Variants in CSMD1 observed in about 807,000 individuals in gnomAD.
CSMD1 encodes the protein CUB and sushi domain-containing protein 1.
CSMD1 carries 213 observed loss-of-function variants against 417.5 expected under a neutral mutation model. That is an observed-to-expected ratio of 0.51 (90% CI 0.46 to 0.57). CSMD1 has a LOEUF of 0.57. Among genes scored for constraint, CSMD1 ranks in the 20% least tolerant of loss-of-function variants. The pLI is 0.00. For missense variants in CSMD1, 6,923 were observed against 4,529.7 expected (o/e 1.53, Z -15.17); for synonymous variants, 2,862 against 1,736.8 (o/e 1.65, Z -16.11).
chr8:4,446,242 G>C (rs865887703), intron 2 of CSMD1, among the ~76,000 whole-genome samples: 5 of 152,196 alleles, frequency 3.3e-5, no homozygotes, highest in African/African-American at 1.2e-4. Flanking sequence ...CTTTGGGACA[G>C]AAGATCACTT....
In CSMD1 at chr8:3,602,493, T is replaced by G. The variant is rs942747683; in HGVS notation, c.1097+14217A>C. On this transcript the variant is annotated intron_variant, in intron 8 of 69. Transcript: ENST00000635120. ...CATTGAACGTTCACTGCTTTAATATTGATCCTAAACTCTTTTGCATATCAC... is the reference window on the plus strand; with the variant it reads ...CATTGAACGTTCACTGCTTTAATATGGATCCTAAACTCTTTTGCATATCAC... Among the ~76,000 whole-genome samples the G allele has an allele frequency of 5.9e-5, 9 of 152,304 alleles. No homozygotes were observed. The East Asian group carries it at 1.7e-3, about 29-fold the overall frequency.
intron 5 of CSMD1, among the ~76,000 whole-genome samples, chr8:3,828,936 T>C (rs1476492461): frequency 6.6e-6 from 1 of 152,132 alleles, no homozygotes; most frequent in Non-Finnish European, 1.5e-5. Context: ...TGCACACTGG[T>C]CTTCTTTCTG....
At chr8:3,552,364 A>C (rs976597960) in intron 10 of CSMD1, among the ~76,000 whole-genome samples, 4 of 152,174 alleles carry the variant, frequency 2.6e-5, no homozygotes. Flanking sequence ...AAAGAAAACT[A>C]AATCTCCATG....
At chr8:4,275,355 C>T (rs1796423969) in intron 3 of CSMD1, among the ~76,000 whole-genome samples, 1 of 152,056 alleles carries the variant, frequency 6.6e-6, no homozygotes, top group African/African-American at 2.4e-5. Flanking sequence ...GGAAGAAACT[C>T]AGTGCCAAGA....
intron 5 of CSMD1, among the ~76,000 whole-genome samples, chr8:3,894,826 C>A (rs1000498524): frequency 2.0e-5 from 3 of 152,142 alleles, no homozygotes; most frequent in African/African-American, 7.2e-5. Context: ...AATTCACTGA[C>A]AAGGGTTTGC....
chr8:3,545,106 G>C (rs958672374), intron 10 of CSMD1, among the ~76,000 whole-genome samples: 1 of 152,110 alleles, frequency 6.6e-6, no homozygotes, highest in Non-Finnish European at 1.5e-5. Flanking sequence ...ACCTAGGACA[G>C]GTATCAAAGC....
At chr8:3,207,132 C>CTT (rs1357612800) in intron 30 of CSMD1, among the ~76,000 whole-genome samples, 4 of 130,962 alleles carry the variant, frequency 3.1e-5, no homozygotes, top group Non-Finnish European at 4.9e-5. Flanking sequence ...TGGCCATTTT[C>CTT]TTTTTTTTTT....
chr8:4,359,587 T>C (rs1004001516), intron 3 of CSMD1, among the ~76,000 whole-genome samples: 2 of 152,204 alleles, frequency 1.3e-5, no homozygotes, highest in Non-Finnish European at 2.9e-5. Flanking sequence ...TTACATGGTG[T>C]TCTAAAAGAC....
chr8:4,739,490 A>G (rs1281638628), intron 1 of CSMD1, among the ~76,000 whole-genome samples: 2 of 152,212 alleles, frequency 1.3e-5, no homozygotes, highest in Non-Finnish European at 1.5e-5. Flanking sequence ...ATGATAGATG[A>G]AGTAACAAAA....
intron 7 of CSMD1, among the ~76,000 whole-genome samples, chr8:3,650,507 A>G (rs1391733425): frequency 6.6e-6 from 1 of 152,176 alleles, no homozygotes; most frequent in Non-Finnish European, 1.5e-5. Flanking sequence ...ACCAGGGGCT[A>G]CTGAGCCTTC....
At chr8:4,897,503 A>T (rs1585284786) in intron 1 of CSMD1, among the ~76,000 whole-genome samples, 1 of 152,156 alleles carries the variant, frequency 6.6e-6, no homozygotes, top group East Asian at 1.9e-4. Context: ...CCTGGCTATA[A>T]CCTCTCATAT....
chr8:4,831,797 G>A (rs1800166121), intron 1 of CSMD1, among the ~76,000 whole-genome samples: 2 of 152,248 alleles, frequency 1.3e-5, no homozygotes, highest in Middle Eastern at 3.4e-3. Context: ...GTCCCCTTCA[G>A]GGACCAGCAT....
chr8:4,339,840 A>T (rs1467230696), intron 3 of CSMD1, among the ~76,000 whole-genome samples: 1 of 152,070 alleles, frequency 6.6e-6, no homozygotes, highest in African/African-American at 2.4e-5. Context: ...CCTGGGCAAC[A>T]AAGTAAGACC....
At chr8:4,001,019 C>T (rs943726444) in intron 4 of CSMD1, among the ~76,000 whole-genome samples, 1 of 149,682 alleles carries the variant, frequency 6.7e-6, no homozygotes, top group Non-Finnish European at 1.5e-5. Context: ...GGCAAGAAAT[C>T]CCCCCTTTCA....
intron 5 of CSMD1, among the ~76,000 whole-genome samples, chr8:3,871,546 G>C (rs1005495261): frequency 6.6e-6 from 1 of 151,868 alleles, no homozygotes; most frequent in Admixed American, 6.6e-5. Context: ...ATTTTTCTTA[G>C]TCTATTAGGT....
At chr8:3,641,596 T>C (rs1032473158) in intron 7 of CSMD1, among the ~76,000 whole-genome samples, 13 of 152,202 alleles carry the variant, frequency 8.5e-5, no homozygotes, top group Admixed American at 3.3e-4. Flanking sequence ...ATGCTTCTTA[T>C]GTCTCAAGAG....
chr8:3,024,737 A>G (rs961427437), intron 51 of CSMD1, among the ~76,000 whole-genome samples: 1 of 152,260 alleles, frequency 6.6e-6, no homozygotes, highest in Non-Finnish European at 1.5e-5. Context: ...TCAAGAGAGT[A>G]GATGGTTACC....
rs1292352083 is a variant in CSMD1, at chr8:4,456,678, T to C, written c.303-36613A>G. ...CCCTCCAACCAATCATCTGATCTGA[T>C]GGATGCTGGCTCTGGTGGAAGAAAC... is the stretch of plus-strand genomic sequence containing the variant. On this transcript the variant is annotated intron_variant, in intron 2 of 69. Transcript: ENST00000635120. Among the ~76,000 whole-genome samples the C allele has an allele frequency of 3.3e-5, 5 of 152,146 alleles. No homozygotes were observed. The East Asian group carries it at 9.7e-4, about 29-fold the overall frequency.
chr8:3,374,564 G>C (rs1257089477), intron 18 of CSMD1, among the ~76,000 whole-genome samples: 1 of 152,136 alleles, frequency 6.6e-6, no homozygotes, highest in African/African-American at 2.4e-5. Context: ...GACTATGACG[G>C]ACATGCTGGT....
Sources: gnomAD v4.1 joint callset for allele counts (sites outside exome capture counted in the v4.1 genomes callset) on GRCh38, gnomAD v4.1.1 for gene constraint, MANE v1.5 for transcripts, NCBI Gene and HGNC (gene_info 2026-07-23, HGNC 2026-07-21) for gene names.